L3MBTL4: variants seen among roughly 807,000 people sequenced by gnomAD.
L3MBTL4 encodes lethal(3)malignant brain tumor-like protein 4.
Under a neutral mutation model 84.5 loss-of-function variants are expected in L3MBTL4, and 70 were observed. The ratio of observed to expected loss-of-function variants is 0.83; its 90% CI spans 0.68 to 1.01. The LOEUF (loss-of-function observed/expected upper bound fraction) is 1.01, where lower values mean the gene tolerates loss of function less well. L3MBTL4 is among the 50% of genes least tolerant of loss of function. L3MBTL4 has a pLI of 0.00. For synonymous variants in L3MBTL4, 274 were observed against 259.8 expected, an observed-to-expected ratio of 1.05 and a Z score of -0.52; for missense variants, 715 against 754.8, an observed-to-expected ratio of 0.95 and a Z score of 0.62.
At chr18:6,034,353 T>A (rs940645306) in intron 16 of L3MBTL4, among the ~76,000 whole-genome samples, 3 of 152,090 alleles carry the variant, frequency 2.0e-5, no homozygotes, top group African/African-American at 7.2e-5. Flanking sequence ...TGTGTCCATG[T>A]GTTCTCATTG....
chr18:6,107,666 T>C (rs2059056029), intron 14 of L3MBTL4, among the ~76,000 whole-genome samples: 1 of 151,966 alleles, frequency 6.6e-6, no homozygotes, highest in Admixed American at 6.5e-5. Context: ...ATAATAAACG[T>C]TGTTACTAAC....
rs368546815 is a variant in L3MBTL4 at position 6,303,745 on chromosome 18, A to T, written c.73-1788T>A. ...CCTAGCTTTGACAACCATAAAAACCAAATCTAAAAAATAGACTGCACATTT... is the reference window on the plus strand; with the variant it reads ...CCTAGCTTTGACAACCATAAAAACCTAATCTAAAAAATAGACTGCACATTT... On this transcript the variant is annotated intron_variant, in intron 3 of 18. Transcript: ENST00000317931. 9.2e-5 allele frequency among the ~76,000 whole-genome samples: 14 copies of T among 152,180 alleles called. No homozygotes were observed. The East Asian group carries it at 2.7e-3, about 29-fold the overall frequency.
chr18:6,052,019 C>T (rs2056860073), intron 16 of L3MBTL4, among the ~76,000 whole-genome samples: 1 of 152,188 alleles, frequency 6.6e-6, no homozygotes, highest in African/African-American at 2.4e-5. Context: ...CTATTGAGCT[C>T]TGAGGTGTTT....
At chr18:6,148,556 G>A (rs2042751594) in intron 13 of L3MBTL4, among the ~76,000 whole-genome samples, 1 of 152,098 alleles carries the variant, frequency 6.6e-6, no homozygotes, top group South Asian at 2.1e-4. Context: ...CTGCTGGGTA[G>A]CTGGGACCAC....
chr18:6,398,831 C>T (rs995348446), intron 1 of L3MBTL4, among the ~76,000 whole-genome samples: 25 of 152,126 alleles, frequency 1.6e-4, no homozygotes, highest in African/African-American at 5.8e-4. Context: ...AGACATGCGC[C>T]CCAGGCACCA....
At chr18:6,389,277 C>T (rs1378253089) in intron 1 of L3MBTL4, among the ~76,000 whole-genome samples, 1 of 152,114 alleles carries the variant, frequency 6.6e-6, no homozygotes, top group Non-Finnish European at 1.5e-5. Flanking sequence ...AATAGTCCTA[C>T]AAGAAATGCT....
intron 4 of L3MBTL4, among the ~76,000 whole-genome samples, chr18:6,286,725 C>T (rs1481707135): frequency 6.6e-6 from 1 of 152,142 alleles, no homozygotes; most frequent in Non-Finnish European, 1.5e-5. Context: ...GCTTTGGAAT[C>T]ACAAAGTAAG....
chr18:6,389,470 T>C (rs1385500668), intron 1 of L3MBTL4, among the ~76,000 whole-genome samples: 6 of 152,064 alleles, frequency 3.9e-5, no homozygotes, highest in Admixed American at 3.3e-4. Flanking sequence ...GGAACATAAA[T>C]TGCCTAAATG....
intron 3 of L3MBTL4, among the ~76,000 whole-genome samples, chr18:6,309,840 T>C (rs1016540666): frequency 6.6e-6 from 1 of 152,170 alleles, no homozygotes; most frequent in African/African-American, 2.4e-5. Flanking sequence ...TACATGTGGA[T>C]GGGGGAAGGT....
chr18:6,292,659 G>T (rs66832808), intron 4 of L3MBTL4, among the ~76,000 whole-genome samples: 3 of 152,004 alleles, frequency 2.0e-5, no homozygotes, highest in Non-Finnish European at 4.4e-5. Flanking sequence ...TCAGAAACAG[G>T]TTTTGATCAA....
At chr18:6,069,418 C>T (rs1193053309) in intron 16 of L3MBTL4, among the ~76,000 whole-genome samples, 2 of 152,070 alleles carry the variant, frequency 1.3e-5, no homozygotes, top group Non-Finnish European at 2.9e-5. Flanking sequence ...CCATAAGTTG[C>T]TGCAGGAAAG....
intron 14 of L3MBTL4, among the ~76,000 whole-genome samples, chr18:6,109,161 CT>C (rs928106244): frequency 1.3e-5 from 2 of 152,152 alleles, no homozygotes; most frequent in African/African-American, 4.8e-5. Context: ...AACATGCAGT[CT>C]CTTTCTCAAT....
chr18:5,993,404 A>C (rs1228149976), intron 16 of L3MBTL4, among the ~76,000 whole-genome samples: 1 of 152,218 alleles, frequency 6.6e-6, no homozygotes, highest in Non-Finnish European at 1.5e-5. Flanking sequence ...CTGCAAATTA[A>C]ACCAAGAAGA....
chr18:6,250,040 GAAGGCCCC>G (rs1451159395), intron 5 of L3MBTL4, among the ~76,000 whole-genome samples: 1 of 152,194 alleles, frequency 6.6e-6, no homozygotes, highest in Non-Finnish European at 1.5e-5. Context: ...AGAGGCCATG[GAAGGCCCC>G]AAGGACATTT....
At position 6,256,297 on chromosome 18, in the gene L3MBTL4, G is replaced by A. The variant is rs576931305; in HGVS notation, c.219+7650C>T. ...TTTAAAATATAATTCAGGCATAGGT[G>A]AAGAACTTAAATTTGGGGTAGGGTG... is the stretch of plus-strand genomic sequence containing the variant. On this transcript the variant is annotated intron_variant, in intron 5 of 18. Transcript: ENST00000317931. 2.6e-4 allele frequency among the ~76,000 whole-genome samples: 40 copies of A among 152,276 alleles called. No homozygotes were observed. The South Asian group carries it at 8.3e-3, about 32-fold the overall frequency.
chr18:6,151,052 G>C (rs2042874116), intron 13 of L3MBTL4, among the ~76,000 whole-genome samples: 1 of 152,112 alleles, frequency 6.6e-6, no homozygotes, highest in Non-Finnish European at 1.5e-5. Context: ...AGGAGAGCCT[G>C]GGAGTCTACT....
chr18:6,176,714 T>A (rs1248873644), intron 12 of L3MBTL4, among the ~76,000 whole-genome samples: 1 of 152,216 alleles, frequency 6.6e-6, no homozygotes. Context: ...ATTTTTTACC[T>A]GACTCAAAAA....
At chr18:6,412,967 C>T (rs942610939) in intron 1 of L3MBTL4, among the ~76,000 whole-genome samples, 5 of 152,024 alleles carry the variant, frequency 3.3e-5, no homozygotes, top group Admixed American at 6.6e-5. Flanking sequence ...TGGTGCACAG[C>T]TACCCTCCCA....
chr18:6,185,989 ATTTTAT>A (rs2044732172), intron 12 of L3MBTL4, among the ~76,000 whole-genome samples: 1 of 149,152 alleles, frequency 6.7e-6, no homozygotes, highest in African/African-American at 2.5e-5. Context: ...ATTTTATTTT[ATTTTAT>A]TATTTTATAT....
Sources: gnomAD v4.1 joint callset for allele counts (sites outside exome capture counted in the v4.1 genomes callset) on GRCh38, gnomAD v4.1.1 for gene constraint, MANE v1.5 for transcripts, NCBI Gene and HGNC (gene_info 2026-07-23, HGNC 2026-07-21) for gene names.